Variants in LOXL1 observed in about 807,000 individuals in gnomAD.
LOXL1 encodes lysyl oxidase homolog 1.
In LOXL1, 31 loss-of-function variants were observed where a neutral mutation model predicts 62.2. That is an observed-to-expected ratio of 0.50 (90% confidence interval 0.37 to 0.67). LOXL1 has a LOEUF of 0.67. LOXL1 is among the 30% of genes least tolerant of loss of function. The pLI, the probability that LOXL1 is intolerant of heterozygous loss-of-function variation, is 0.00. For missense variants in LOXL1, 775 were observed against 843.4 expected (o/e 0.92, Z 1.00); for synonymous variants, 403 against 384.4 (o/e 1.05, Z -0.56).
chr15:73,932,782 G>A (rs1029684032), intron 1 of LOXL1, among the ~76,000 whole-genome samples: 1 of 152,252 alleles, frequency 6.6e-6, no homozygotes, highest in Non-Finnish European at 1.5e-5. Flanking sequence ...CCTGGAGGCA[G>A]AATCACAGAT....
intron 1 of LOXL1, among the ~76,000 whole-genome samples, chr15:73,932,869 G>A (rs979178132): frequency 6.6e-6 from 1 of 152,172 alleles, no homozygotes; most frequent in African/African-American, 2.4e-5. Context: ...GGCTTAGAAA[G>A]CTGTGTCGGA....
chr15:73,946,759 A>G (rs1304238666), intron 3 of LOXL1, among the ~76,000 whole-genome samples: 1 of 152,232 alleles, frequency 6.6e-6, no homozygotes, highest in Non-Finnish European at 1.5e-5. Flanking sequence ...TGGAAGATGG[A>G]TATAGAAGGA....
intron 1 of LOXL1, 122 bp downstream of exon 1, chr15:73,928,007 G>A: frequency 2.1e-6 from 2 of 939,448 alleles, no homozygotes; most frequent in Non-Finnish European, 2.8e-6. Flanking sequence ...TAAGCACGGA[G>A]CAGCGCCCCC....
chr15:73,935,737 C>T (rs2068666204), intron 1 of LOXL1, among the ~76,000 whole-genome samples: 2 of 152,190 alleles, frequency 1.3e-5, no homozygotes, highest in Admixed American at 1.3e-4. Flanking sequence ...CAGCCTGCCT[C>T]CTGGGCAGCT....
Position 73,927,008 on chromosome 15 carries a change from G to C in LOXL1, c.225G>C (p.Val75=), listed in dbSNP as rs2068584486. ...GPQRSESSSR[V]LLAGAPQAQQ... ...AGCGCTCCGAGAGTAGCTCCCGGGT[G>C]CTGCTGGCCGGCGCGCCCCAGGCCC... Residue 75 remains valine (V), a synonymous_variant, in exon 1 of 7, where the codon GTG becomes GTC. Transcript: ENST00000261921. The C allele has an allele frequency of 3.5e-6, 5 of 1,448,412 alleles. No homozygotes were observed. In the South Asian group the frequency reaches 6.8e-5, roughly 20 times the overall value. The allele number at this position is 1,448,412 out of a possible 1,614,324, so 89.7% of individuals were successfully genotyped here. A position where few individuals can be genotyped will look rare whatever the true frequency, so the allele number is the denominator to read the frequency against.
intron 6 of LOXL1, among the ~76,000 whole-genome samples, chr15:73,951,429 G>A (rs1413148167): frequency 6.6e-6 from 1 of 152,150 alleles, no homozygotes; most frequent in Admixed American, 6.5e-5. Context: ...TGCACAGGAA[G>A]CTGGACAGAG....
intron 6 of LOXL1, among the ~76,000 whole-genome samples, chr15:73,951,566 G>C (rs1031136342): frequency 6.6e-6 from 1 of 152,168 alleles, no homozygotes; most frequent in African/African-American, 2.4e-5. Flanking sequence ...GACAGTAGCA[G>C]CTCTGCTAAT....
rs533992327 is a variant in LOXL1, at chr15:73,949,606, C to T, written c.1718+32C>T. 1.7e-5 allele frequency: 25 copies of T among 1,474,066 alleles called. No individual in the cohort carries two copies. In the East Asian group the frequency reaches 2.5e-4, roughly 15 times the overall value. 91.3% of individuals were successfully genotyped at this position (1,474,066 alleles called of 1,614,324 possible). ...GTTTGCCCACCACCCTTCCTGGCTC[C>T]GTCCCTTTCCTGCCTGGGGAGCAGG... On this transcript the variant is annotated intron_variant, in intron 6 of 6. Transcript: ENST00000261921.
At chr15:73,950,840 A>G (rs1242778871) in intron 6 of LOXL1, among the ~76,000 whole-genome samples, 1 of 152,236 alleles carries the variant, frequency 6.6e-6, no homozygotes, top group African/African-American at 2.4e-5. Context: ...CTGCCACCAC[A>G]TCATGAATAT....
chr15:73,946,647 G>C (rs2141636467), intron 3 of LOXL1, 93 bp downstream of exon 3: 1 of 1,425,268 alleles, frequency 7.0e-7, no homozygotes, highest in Non-Finnish European at 9.5e-7. Flanking sequence ...TGAGCACTCT[G>C]GGAGACACAG....
intron 2 of LOXL1, among the ~76,000 whole-genome samples, chr15:73,943,170 C>T (rs2068726727): frequency 6.6e-6 from 1 of 152,198 alleles, no homozygotes; most frequent in South Asian, 2.1e-4. Flanking sequence ...GGGGGCCCAG[C>T]ATTTCTGTAT....
chr15:73,933,415 A>G (rs2141624366), intron 1 of LOXL1, among the ~76,000 whole-genome samples: 1 of 152,286 alleles, frequency 6.6e-6, no homozygotes, highest in Non-Finnish European at 1.5e-5. Context: ...AGGTGTAAAC[A>G]CCTGAAAAAA....
rs971200271 is a variant in LOXL1, at chr15:73,930,747, C to T, written c.1102+2862C>T. Reference sequence around the variant, plus strand: ...CTGAGCCCAGTTTCTTCCTCGGGTACCTGTGCCCTCTTCCTTCCTACCCTG... The same window carrying T: ...CTGAGCCCAGTTTCTTCCTCGGGTATCTGTGCCCTCTTCCTTCCTACCCTG... On this transcript the variant is annotated intron_variant, in intron 1 of 6. Transcript: ENST00000261921. This position sits in a 1 kb window ranked among gnomAD's most constrained non-coding sequence, Gnocchi z 4.7. Among the ~76,000 whole-genome samples the T allele has an allele frequency of 1.3e-5, 2 of 152,188 alleles. No individual in the cohort carries two copies. The highest frequency in any genetic ancestry group is 4.8e-5 in the African/African-American group (2 of 41,436).
Position 73,941,333 on chromosome 15 carries a change from C to G in LOXL1, c.1103-1521C>G, listed in dbSNP as rs188179756. On this transcript the variant is annotated intron_variant, in intron 1 of 6. Transcript: ENST00000261921. ...TCACCCTGGCTGCCTGGACCAGGCT[C>G]CCCCATGAGGCCCAGGCCCCAGGGA... Among the ~76,000 whole-genome samples the G allele has an allele frequency of 3.2e-3, 490 of 152,256 alleles. 5 individuals are homozygous for G. Among genetic ancestry groups the G allele is most frequent in the African/African-American group, 0.011 (459 of 41,556 alleles).
At chr15:73,946,575 C>A (rs936124969) in intron 3 of LOXL1, 21 bp downstream of exon 3, 1 of 1,588,592 alleles carries the variant, frequency 6.3e-7, no homozygotes, top group Non-Finnish European at 8.6e-7. Flanking sequence ...AGGGGCTGGG[C>A]CCGTCCTCTT....
chr15:73,951,784 G>T lies in LOXL1; in HGVS notation c.1719-47G>T, dbSNP rs193249128. The stretch of plus-strand genomic sequence containing the variant: ...ACGCCCTGGCTGAGGAGGCCACGGG[G>T]GCCTACTTTGCAGCCCCTCATTGAC... On this transcript the variant is annotated intron_variant, in intron 6 of 6. Transcript: ENST00000261921. 392 of 1,503,356 alleles carry T rather than the reference G, an allele frequency of 2.6e-4. 4 individuals carry two copies. The East Asian group carries it at 6.6e-3, about 25-fold the overall frequency. 93.1% of individuals were successfully genotyped at this position (1,503,356 alleles called of 1,614,324 possible).
chr15:73,932,914 C>T (rs1327871058), intron 1 of LOXL1, among the ~76,000 whole-genome samples: 1 of 152,166 alleles, frequency 6.6e-6, no homozygotes, highest in Non-Finnish European at 1.5e-5. Flanking sequence ...GTTCTGGGCC[C>T]TCCTCCTGCC....
chr15:73,952,107 G>A lies in LOXL1; in HGVS notation c.*270G>A, dbSNP rs925858205. On this transcript the variant is annotated 3_prime_UTR_variant, in exon 7 of 7. Coordinates refer to ENST00000261921, the MANE Select transcript of LOXL1 (RefSeq NM_005576.4). ...CATACCACAGAGCTAGATTGCCCAG[G>A]TCTGGGCTGAATAAAACAAGGTTTT... is the stretch of plus-strand genomic sequence containing the variant. 1.3e-5 allele frequency: 5 copies of A among 376,336 alleles called. No individual in the cohort carries two copies. Among genetic ancestry groups the A allele is most frequent in the African/African-American group, 2.1e-5 (1 of 48,160 alleles). 23.3% of individuals were successfully genotyped at this position (376,336 alleles called of 1,614,324 possible).
rs1027674910 is a variant in LOXL1 at position 73,930,969 on chromosome 15, G to A, written c.1102+3084G>A. Among the ~76,000 whole-genome samples the A allele has an allele frequency of 1.3e-5, 2 of 152,122 alleles. No homozygotes were observed. Among genetic ancestry groups the A allele is most frequent in the South Asian group, 2.1e-4 (1 of 4,822 alleles). ...CCAGCTGGGTCTCCTGCACTGTGTCGGCTCCCTCGATGTGACCACTCCTGC... is the reference window on the plus strand; with the variant it reads ...CCAGCTGGGTCTCCTGCACTGTGTCAGCTCCCTCGATGTGACCACTCCTGC... On this transcript the variant is annotated intron_variant, in intron 1 of 6. Transcript: ENST00000261921. The surrounding 1 kb of genome is among the most constrained non-coding windows in gnomAD (Gnocchi z 4.7).
Sources: gnomAD v4.1 joint callset for allele counts (sites outside exome capture counted in the v4.1 genomes callset) on GRCh38, gnomAD v4.1.1 for gene constraint, Gnocchi (gnomAD v3.1) non-coding constraint, MANE v1.5 for transcripts, NCBI Gene and HGNC (gene_info 2026-07-23, HGNC 2026-07-21) for gene names.